The following RBFOX1 variants were observed in gnomAD, a reference collection of about 807,000 sequenced individuals.
RBFOX1 encodes RNA binding fox-1 homolog 1.
Under a neutral mutation model 57.7 loss-of-function variants are expected in RBFOX1, and 8 were observed. The ratio of observed to expected loss-of-function variants is 0.14; its 90% CI spans 0.08 to 0.25. RBFOX1 has a LOEUF of 0.25. Ranked by LOEUF, RBFOX1 falls within the 10% of genes least tolerant of loss-of-function variation. RBFOX1 has a pLI of 1.00. For missense variants in RBFOX1, 611 were observed against 548.5 expected, an observed-to-expected ratio of 1.11 and a Z score of -1.14; for synonymous variants, 326 against 222.4, an observed-to-expected ratio of 1.47 and a Z score of -4.15.
intron 1 of RBFOX1, among the ~76,000 whole-genome samples, chr16:6,209,887 G>C (rs1234239578): frequency 6.6e-6 from 1 of 152,202 alleles, no homozygotes; most frequent in Non-Finnish European, 1.5e-5. Flanking sequence ...TAGTTTCATT[G>C]CTTAATTCCT....
intron 4 of RBFOX1, among the ~76,000 whole-genome samples, chr16:7,067,232 C>T (rs147439959): frequency 3.9e-5 from 6 of 152,040 alleles, no homozygotes; most frequent in Admixed American, 1.3e-4. Flanking sequence ...TCCAGGCAGC[C>T]GAAATTATTA....
intron 3 of RBFOX1, among the ~76,000 whole-genome samples, chr16:5,733,168 T>C (rs1019896739): frequency 6.6e-6 from 1 of 152,228 alleles, no homozygotes; most frequent in African/African-American, 2.4e-5. Context: ...TTGTAGTTGC[T>C]GAGCCTAAAC....
At chr16:6,059,764 C>A (rs1007174946) in intron 1 of RBFOX1, among the ~76,000 whole-genome samples, 1 of 152,226 alleles carries the variant, frequency 6.6e-6, no homozygotes, top group Middle Eastern at 3.4e-3. Context: ...CCAAATTCAC[C>A]ATTCAGATAA....
At chr16:5,427,374 C>A (rs2151503092) in intron 1 of RBFOX1, among the ~76,000 whole-genome samples, 1 of 152,274 alleles carries the variant, frequency 6.6e-6, no homozygotes, top group East Asian at 1.9e-4. Context: ...CACCTGAGGT[C>A]AGGAGTTCAA....
At position 6,766,381 on chromosome 16, in the gene RBFOX1, T is replaced by C. The variant is rs546771402; in HGVS notation, c.-16+111731T>C. 3.4e-4 allele frequency among the ~76,000 whole-genome samples: 51 copies of C among 152,212 alleles called. 1 individual carries two copies. Among genetic ancestry groups the C allele is most frequent in the Admixed American group, 2.0e-3 (31 of 15,270 alleles). On this transcript the variant is annotated intron_variant, in intron 3 of 15. Coordinates refer to ENST00000550418, the MANE Select transcript of RBFOX1 (RefSeq NM_018723.4). ...ACTTGAGCATTTGTCTGTTTTTTCATTGTAAATATTATTATTGTCCCTGTA... is the reference window on the plus strand; with the variant it reads ...ACTTGAGCATTTGTCTGTTTTTTCACTGTAAATATTATTATTGTCCCTGTA...
intron 1 of RBFOX1, among the ~76,000 whole-genome samples, chr16:6,256,173 A>ATATATATG (rs1361828113): frequency 0.077 from 1,080 of 14,028 alleles, 112 homozygotes; most frequent in African/African-American, 0.12. Context: ...ATATATATGT[A>ATATATATG]TATATATATA....
At chr16:6,072,548 G>T (rs59189656) in intron 1 of RBFOX1, among the ~76,000 whole-genome samples, 25,924 of 151,462 alleles carry the variant, frequency 0.17, 3,726 homozygotes, top group African/African-American at 0.39. Flanking sequence ...TTCCATAGTG[G>T]CTACATATCT....
chr16:6,074,294 A>G (rs959881074), intron 1 of RBFOX1, among the ~76,000 whole-genome samples: 4 of 152,140 alleles, frequency 2.6e-5, no homozygotes, highest in African/African-American at 4.8e-5. Flanking sequence ...GCACAGCTGT[A>G]CAGACTTTTT....
In RBFOX1 at chr16:6,265,915, C is replaced by G. The variant is rs542677005; in HGVS notation, c.-126-51080C>G. Among the ~76,000 whole-genome samples the G allele has an allele frequency of 2.6e-5, 4 of 152,308 alleles. No individual in the cohort carries two copies. In the South Asian group the frequency reaches 8.3e-4, roughly 32 times the overall value. On this transcript the variant is annotated intron_variant, in intron 1 of 15. Coordinates refer to ENST00000550418, the MANE Select transcript of RBFOX1 (RefSeq NM_018723.4). ...CTTCCTAGAAGAGTCATACCACTTTCTCTTCACATGCAGCATCCTTCCTGG... is the reference window on the plus strand; with the variant it reads ...CTTCCTAGAAGAGTCATACCACTTTGTCTTCACATGCAGCATCCTTCCTGG...
At chr16:7,274,829 T>C (rs1321004174) in intron 4 of RBFOX1, among the ~76,000 whole-genome samples, 1 of 151,950 alleles carries the variant, frequency 6.6e-6, no homozygotes, top group Non-Finnish European at 1.5e-5. Context: ...GAATTACAGG[T>C]GTGTGCCACC....
intron 4 of RBFOX1, among the ~76,000 whole-genome samples, chr16:5,985,536 A>G (rs960911166): frequency 6.6e-6 from 1 of 152,188 alleles, no homozygotes; most frequent in East Asian, 1.9e-4. Flanking sequence ...TTTTGCACCC[A>G]TCTAATAGCA....
chr16:6,489,296 T>C (rs1398638010), intron 2 of RBFOX1, among the ~76,000 whole-genome samples: 1 of 152,216 alleles, frequency 6.6e-6, no homozygotes, highest in Non-Finnish European at 1.5e-5. Flanking sequence ...TTTCCTCTTA[T>C]CTTTAAAGGT....
At chr16:5,965,990 G>A (rs144546714) in intron 4 of RBFOX1, among the ~76,000 whole-genome samples, 1 of 152,248 alleles carries the variant, frequency 6.6e-6, no homozygotes, top group East Asian at 1.9e-4. Context: ...TGGCATTCTT[G>A]CTGCCCCCAA....
chr16:5,436,932 T>G (rs1434985652), intron 1 of RBFOX1, among the ~76,000 whole-genome samples: 2 of 152,216 alleles, frequency 1.3e-5, no homozygotes, highest in East Asian at 1.9e-4. Flanking sequence ...TCAAGAGTCT[T>G]TTCCCCCATA....
At chr16:6,643,272 C>G (rs1476398317) in intron 2 of RBFOX1, among the ~76,000 whole-genome samples, 2 of 152,138 alleles carry the variant, frequency 1.3e-5, no homozygotes, top group African/African-American at 4.8e-5. Context: ...TTATTTGCTC[C>G]CATCTGCTGG....
At chr16:6,896,106 C>G (rs145599480) in intron 3 of RBFOX1, among the ~76,000 whole-genome samples, 1,884 of 152,162 alleles carry the variant, frequency 0.012, 22 homozygotes, top group Non-Finnish European at 0.02. Context: ...AACCCCATCT[C>G]TATTAAAACT....
At chr16:7,248,001 C>T (rs1365661082) in intron 4 of RBFOX1, among the ~76,000 whole-genome samples, 1 of 152,040 alleles carries the variant, frequency 6.6e-6, no homozygotes, top group Non-Finnish European at 1.5e-5. Context: ...CACAAGTTTA[C>T]CCAAATAACA....
At chr16:7,602,636 T>C (rs1394590810) in intron 9 of RBFOX1, among the ~76,000 whole-genome samples, 1 of 152,178 alleles carries the variant, frequency 6.6e-6, no homozygotes, top group Non-Finnish European at 1.5e-5. Context: ...GGAATGTGGG[T>C]TCATTTGCAT....
intron 11 of RBFOX1, among the ~76,000 whole-genome samples, chr16:7,646,651 A>G (rs983058457): frequency 2.0e-5 from 3 of 152,230 alleles, no homozygotes; most frequent in African/African-American, 7.2e-5. Context: ...ATAATTGCCC[A>G]TTAAAGCGGT....
Sources: gnomAD v4.1 joint callset for allele counts (sites outside exome capture counted in the v4.1 genomes callset) on GRCh38, gnomAD v4.1.1 for gene constraint, MANE v1.5 for transcripts, NCBI Gene and HGNC (gene_info 2026-07-23, HGNC 2026-07-21) for gene names.